The following SPTBN1 variants were observed in gnomAD, a reference collection of about 807,000 sequenced individuals.
SPTBN1 encodes the protein spectrin beta chain, non-erythrocytic 1.
In SPTBN1, 32 loss-of-function variants were observed where a neutral mutation model predicts 266.4. The ratio of observed to expected loss-of-function variants is 0.12; its 90% CI spans 0.09 to 0.16. The LOEUF is 0.16. Among genes scored for constraint, SPTBN1 ranks in the 10% least tolerant of loss-of-function variants. The pLI, the probability that SPTBN1 is intolerant of heterozygous loss-of-function variation, is 1.00. For missense variants in SPTBN1, 2,296 were observed against 3,067.1 expected (o/e 0.75, Z 5.94); for synonymous variants, 1,336 against 1,162.2 (o/e 1.15, Z -3.04).
chr2:54,630,703 G>A, intron 15 of SPTBN1, 152 bp from the exon 16 acceptor site: 1 of 920,466 alleles, frequency 1.1e-6, no homozygotes, highest in Non-Finnish European at 1.6e-6. Flanking sequence ...GGTGTTCACA[G>A]TTTGAGTGAG....
intron 1 of SPTBN1, among the ~76,000 whole-genome samples, chr2:54,458,816 A>C (rs1184774956): frequency 6.6e-6 from 1 of 152,216 alleles, no homozygotes. Flanking sequence ...TGCTAGTTGG[A>C]AGGGAAGGTC....
intron 1 of SPTBN1, among the ~76,000 whole-genome samples, chr2:54,512,787 G>C (rs1023885862): frequency 6.6e-6 from 1 of 152,206 alleles, no homozygotes; most frequent in Non-Finnish European, 1.5e-5. Flanking sequence ...GAAGCACTAT[G>C]TTTTAGAGTT....
chr2:54,604,003 G>C (rs1676672002), intron 3 of SPTBN1, among the ~76,000 whole-genome samples: 1 of 152,178 alleles, frequency 6.6e-6, no homozygotes, highest in African/African-American at 2.4e-5. Context: ...AGCTGTAAGT[G>C]ACTTCAGTGA....
At chr2:54,581,985 G>C (rs1414067527) in intron 2 of SPTBN1, among the ~76,000 whole-genome samples, 1 of 152,022 alleles carries the variant, frequency 6.6e-6, no homozygotes. Context: ...TTTGGTGCAT[G>C]GGGTACCTGT....
chr2:54,475,335 A>G (rs1209679190), intron 1 of SPTBN1, among the ~76,000 whole-genome samples: 14 of 152,348 alleles, frequency 9.2e-5, no homozygotes, highest in Admixed American at 9.1e-4. Flanking sequence ...GTTCCATAAT[A>G]CTTCCACATT....
intron 32 of SPTBN1, chr2:54,661,520 T>C: frequency 6.1e-6 from 6 of 985,850 alleles, no homozygotes; most frequent in Non-Finnish European, 7.2e-6. Context: ...TATCTACTTC[T>C]GACTGTAGAT....
chr2:54,553,778 ACT>A lies in SPTBN1; in HGVS notation c.148+27213_148+27214del, dbSNP rs375871483. On this transcript the variant is annotated intron_variant, in intron 2 of 35. Transcript: ENST00000356805. ...ATTTTGGACATCCTCTCCCAGACACACTGAGTCTTGATAGTGTCTGGATGTTC... is the reference window on the plus strand; with the variant it reads ...ATTTTGGACATCCTCTCCCAGACACAGAGTCTTGATAGTGTCTGGATGTTC... Among the ~76,000 whole-genome samples the A allele has an allele frequency of 1.2e-3, 182 of 152,304 alleles. 1 individual carries two copies. The highest frequency in any genetic ancestry group is 0.01 in the Middle Eastern group (3 of 294).
intron 1 of SPTBN1, among the ~76,000 whole-genome samples, chr2:54,523,575 G>C (rs1021217422): frequency 1.3e-5 from 2 of 152,198 alleles, no homozygotes; most frequent in South Asian, 4.1e-4. Flanking sequence ...ATTTGTTTCA[G>C]CTTATTTACT....
At chr2:54,530,034 C>T (rs1558810516) in intron 2 of SPTBN1, among the ~76,000 whole-genome samples, 2 of 152,024 alleles carry the variant, frequency 1.3e-5, no homozygotes, top group South Asian at 2.1e-4. Flanking sequence ...CATGCATGTT[C>T]TAAAGCGAGA....
At chr2:54,583,160 A>G (rs1208479256) in intron 2 of SPTBN1, among the ~76,000 whole-genome samples, 3 of 151,612 alleles carry the variant, frequency 2.0e-5, no homozygotes, top group African/African-American at 7.3e-5. Context: ...TGTCCCCTGG[A>G]CTCAGTTGTC....
chr2:54,661,200 A>G, intron 32 of SPTBN1: 1 of 985,656 alleles, frequency 1.0e-6, no homozygotes, highest in Non-Finnish European at 1.2e-6. Context: ...TCAGGCCACC[A>G]GCAGGAATTG....
intron 2 of SPTBN1, among the ~76,000 whole-genome samples, chr2:54,581,762 AT>A (rs1674930227): frequency 6.6e-6 from 1 of 152,048 alleles, no homozygotes; most frequent in African/African-American, 2.4e-5. Context: ...TGCAGGTCTC[AT>A]TAAACTTCAT....
chr2:54,494,690 C>T (rs1366906425), intron 1 of SPTBN1, among the ~76,000 whole-genome samples: 3 of 152,030 alleles, frequency 2.0e-5, no homozygotes, highest in Admixed American at 6.6e-5. Context: ...TAATCTCTAG[C>T]GACAGAAAGC....
rs558031182 is a variant in SPTBN1, at chr2:54,670,753, T to G, written c.*2184T>G. ...ACATAATTTCAACAGTTCGCAGATCTGTAGTTATGAAGCCAGGGTTTGGTG... is the reference window on the plus strand; with the variant it reads ...ACATAATTTCAACAGTTCGCAGATCGGTAGTTATGAAGCCAGGGTTTGGTG... On this transcript the variant is annotated 3_prime_UTR_variant, in exon 36 of 36. Coordinates refer to ENST00000356805, the MANE Select transcript of SPTBN1 (RefSeq NM_003128.3). 2.0e-5 allele frequency: 8 copies of G among 398,548 alleles called. No individual in the cohort carries two copies. In the South Asian group the frequency reaches 1.0e-3, roughly 51 times the overall value. 24.7% of individuals were successfully genotyped at this position (398,548 alleles called of 1,614,324 possible).
intron 2 of SPTBN1, among the ~76,000 whole-genome samples, chr2:54,592,634 T>G (rs1675757006): frequency 6.6e-6 from 1 of 152,234 alleles, no homozygotes; most frequent in Admixed American, 6.5e-5. Context: ...GTATTCCACC[T>G]GCCTTGGCCT....
intron 1 of SPTBN1, among the ~76,000 whole-genome samples, chr2:54,474,021 G>A (rs892710437): frequency 8.5e-5 from 13 of 152,230 alleles, no homozygotes; most frequent in Non-Finnish European, 1.2e-4. Flanking sequence ...AAGGCAGACG[G>A]AAACATTGGA....
chr2:54,493,113 C>G (rs1011615659), intron 1 of SPTBN1, among the ~76,000 whole-genome samples: 3 of 148,226 alleles, frequency 2.0e-5, no homozygotes, highest in African/African-American at 7.5e-5. Flanking sequence ...TCAAGGGATT[C>G]TCCCACCTCA....
chr2:54,560,074 G>T (rs888401186), intron 2 of SPTBN1, among the ~76,000 whole-genome samples: 1 of 151,838 alleles, frequency 6.6e-6, no homozygotes, highest in African/African-American at 2.4e-5. Flanking sequence ...TCGCTCTGGG[G>T]AACGGTTCTG....
intron 27 of SPTBN1, 123 bp from the exon 28 acceptor site, chr2:54,654,947 C>G (rs1680549830): frequency 7.7e-7 from 1 of 1,301,008 alleles, no homozygotes. Context: ...TGATTCAGAC[C>G]TGAAAGACCA....
Sources: allele counts gnomAD v4.1 joint callset (sites outside exome capture counted in the v4.1 genomes callset), GRCh38; gene constraint gnomAD v4.1.1; transcripts MANE v1.5; gene names NCBI Gene and HGNC (gene_info 2026-07-23, HGNC 2026-07-21).